The following GNL3L variants were observed in gnomAD, a reference collection of about 807,000 sequenced individuals.
GNL3L encodes the protein G protein nucleolar 3 like, also known as guanine nucleotide-binding protein-like 3-like protein.
In GNL3L, 4 loss-of-function variants were observed where a neutral mutation model predicts 42.9. The observed-to-expected ratio is 0.09, with a 90% CI of 0.05 to 0.21. The LOEUF is 0.21. Ranked by LOEUF, GNL3L falls within the 10% of genes least tolerant of loss-of-function variation. GNL3L has a pLI of 1.00. For synonymous variants in GNL3L, 159 were observed against 176.3 expected, an observed-to-expected ratio of 0.90 and a Z score of 0.78; for missense variants, 412 against 481.7, an observed-to-expected ratio of 0.86 and a Z score of 1.36.
At chrX:54,536,684 C>G (rs1284706433) in intron 2 of GNL3L, among the ~76,000 whole-genome samples, 1 of 107,582 alleles carries the variant, frequency 9.3e-6, no homozygotes, top group Admixed American at 1.0e-4. Context: ...ACTCCAGAGG[C>G]TGAGGCAGGA....
chrX:54,552,271 C>T lies in GNL3L; in HGVS notation c.1182-21C>T, dbSNP rs779617818. On this transcript the variant is annotated intron_variant, in intron 12 of 15. Transcript: ENST00000360845. Reference sequence around the variant, plus strand: ...TTCTCTCAGTGACAGCACCACTCATCTCCCCTATCTCCCAATGCAGCGGGA... The same window carrying T: ...TTCTCTCAGTGACAGCACCACTCATTTCCCCTATCTCCCAATGCAGCGGGA... 169 of 1,201,947 alleles carry T rather than the reference C, an allele frequency of 1.4e-4. No individual in the cohort carries two copies. In the South Asian group the frequency reaches 2.8e-3, roughly 20 times the overall value.
rs759360372 is a variant in GNL3L, at chrX:54,532,576, C to T, written c.10C>T (p.Leu4Phe). 1.7e-6 allele frequency: 2 copies of T among 1,182,431 alleles called. No individual in the cohort carries two copies. The highest frequency in any genetic ancestry group is 2.2e-5 in the Admixed American group (1 of 45,705). Residue 4 changes from leucine (L) to phenylalanine (F), a missense_variant, in exon 2 of 16, where the codon CTT becomes TTT. By Grantham distance (22) the Leu-to-Phe change is conservative (BLOSUM62 0). Coordinates refer to ENST00000360845, the MANE Select transcript of GNL3L (RefSeq NM_001184819.2). The part of the protein sequence containing the change: MMK[L>F]RHKNKKPGEG... Reference sequence around the variant, plus strand: ...TTTCAAGCTGGTCATCATGATGAAACTTAGACACAGTGAGTTTCCTTTACC... The same window carrying T: ...TTTCAAGCTGGTCATCATGATGAAATTTAGACACAGTGAGTTTCCTTTACC...
chrX:54,623,797 C>T (rs1260080290), downstream of GNL3L, among the ~76,000 whole-genome samples: 1 of 110,249 alleles, frequency 9.1e-6, no homozygotes, highest in African/African-American at 3.3e-5. Context: ...TTTTAATTTC[C>T]ATTTTGGATT....
the GNL3L span, among the ~76,000 whole-genome samples, chrX:54,635,975 C>T: frequency 9.0e-5 from 10 of 111,178 alleles, no homozygotes; most frequent in Non-Finnish European, 1.9e-4. Context: ...TTTGAATGTC[C>T]GAATTTCTCA....
chrX:54,588,383 A>G (rs1925817141), intron 16 of GNL3L, among the ~76,000 whole-genome samples: 1 of 112,265 alleles, frequency 8.9e-6, no homozygotes, highest in Non-Finnish European at 1.9e-5. Flanking sequence ...GAAAATATCC[A>G]TCTATTACTA....
At chrX:54,612,925 G>A (rs1046011857) in intron 16 of GNL3L, among the ~76,000 whole-genome samples, 2 of 111,659 alleles carry the variant, frequency 1.8e-5, no homozygotes, top group African/African-American at 3.3e-5. Context: ...ATCTTTTTGC[G>A]ATGAATTTTC....
intron 7 of GNL3L, 170 bp from the exon 8 acceptor site, chrX:54,544,053 C>T: frequency 2.4e-6 from 1 of 420,829 alleles, no homozygotes. Context: ...GTAGACCAGA[C>T]TATCCTTTCT....
At chrX:54,634,968 T>G in the GNL3L span, among the ~76,000 whole-genome samples, 14 of 108,041 alleles carry the variant, frequency 1.3e-4, no homozygotes, top group Non-Finnish European at 1.3e-4. Flanking sequence ...ATTTTTGTAT[T>G]TTTAGTAGAG....
chrX:54,607,107 TTC>T (rs1188374829), intron 16 of GNL3L, among the ~76,000 whole-genome samples: 1 of 81,968 alleles, frequency 1.2e-5, no homozygotes, highest in Non-Finnish European at 2.2e-5. Flanking sequence ...CTTTCTTTCT[TTC>T]TTTCTTTCTT....
the GNL3L span, among the ~76,000 whole-genome samples, chrX:54,629,504 G>C: frequency 1.8e-5 from 2 of 111,528 alleles, no homozygotes; most frequent in South Asian, 7.5e-4. Context: ...TGCTTTTTCT[G>C]TGTTTATTGA....
At chrX:54,634,591 G>C in the GNL3L span, among the ~76,000 whole-genome samples, 1 of 107,711 alleles carries the variant, frequency 9.3e-6, no homozygotes, top group Middle Eastern at 4.4e-3. Context: ...CGAGTCTCCT[G>C]CCTCAGCCTC....
intron 7 of GNL3L, chrX:54,543,930 G>A (rs191814057): frequency 2.4e-4 from 60 of 247,635 alleles, no homozygotes; most frequent in African/African-American, 1.4e-3. Context: ...TATTTGGGGG[G>A]TCTCTGATGC....
chrX:54,572,522 A>T (rs1416826975), intron 16 of GNL3L, among the ~76,000 whole-genome samples: 5 of 111,598 alleles, frequency 4.5e-5, no homozygotes, highest in Admixed American at 9.4e-5. Context: ...GCTGTTGGGC[A>T]CACCTCCCAG....
chrX:54,536,896 C>T (rs1473609398), intron 2 of GNL3L, among the ~76,000 whole-genome samples: 1 of 110,522 alleles, frequency 9.0e-6, no homozygotes, highest in Admixed American at 9.6e-5. Flanking sequence ...AATCTTTGCT[C>T]ACCTGAAAAT....
intron 16 of GNL3L, among the ~76,000 whole-genome samples, chrX:54,576,376 AT>A (rs1246876514): frequency 1.5e-4 from 17 of 112,093 alleles, no homozygotes; most frequent in African/African-American, 5.2e-4. Context: ...CTGTCAACCC[AT>A]TTTTTTATCT....
the GNL3L span, among the ~76,000 whole-genome samples, chrX:54,628,212 GGTGTGTGTGTGTGTGTGT>G: frequency 1.0e-5 from 1 of 95,770 alleles, no homozygotes; most frequent in African/African-American, 3.9e-5. Context: ...AGTATTCCGT[GGTGTGTGTGTGTGTGTGT>G]GTGTGTGTGT....
the GNL3L span, among the ~76,000 whole-genome samples, chrX:54,642,376 A>T: frequency 9.0e-6 from 1 of 111,314 alleles, no homozygotes; most frequent in Non-Finnish European, 1.9e-5. Context: ...TACAGACATA[A>T]TCTGATCTGA....
the GNL3L span, among the ~76,000 whole-genome samples, chrX:54,639,191 C>A: frequency 3.6e-5 from 4 of 111,503 alleles, no homozygotes; most frequent in South Asian, 1.1e-3. Flanking sequence ...AAGTGATCCA[C>A]CCACCTTGGC....
rs556879366 is a variant in GNL3L at position 54,594,554 on chromosome X, T to TA, written c.*46-26282dup. 2.8e-3 allele frequency among the ~76,000 whole-genome samples: 297 copies of TA among 104,857 alleles called. 5 individuals are homozygous for TA. In the South Asian group the frequency reaches 0.057, roughly 20 times the overall value. 91.1% of individuals were successfully genotyped at this position (104,857 alleles called of 115,157 possible). On this transcript the variant is annotated intron_variant, in intron 16 of 16. Transcript: ENST00000674498. ...AGATCATTGGGCCTTTTTTTTTTTT[T>TA]AAAAAAAAATCTATTCAGCCACTCT... is the stretch of plus-strand genomic sequence containing the variant.
Sources: gnomAD v4.1 joint callset for allele counts (sites outside exome capture counted in the v4.1 genomes callset) on GRCh38, gnomAD v4.1.1 for gene constraint, MANE v1.5 for transcripts, NCBI Gene and HGNC (gene_info 2026-07-23, HGNC 2026-07-21) for gene names.